PAPPA2: variants seen among roughly 807,000 people sequenced by gnomAD.
PAPPA2 encodes the protein pappalysin 2.
Under a neutral mutation model 176.4 loss-of-function variants are expected in PAPPA2, and 86 were observed. The observed-to-expected ratio is 0.49, with a 90% CI of 0.41 to 0.58. The LOEUF is 0.58. Among genes scored for constraint, PAPPA2 ranks in the 20% least tolerant of loss-of-function variants. The probability of loss-of-function intolerance (pLI) is 0.00; values close to 1 mark genes in which losing one functional copy is unlikely to be tolerated. For synonymous variants in PAPPA2, 809 were observed against 852.2 expected (o/e 0.95, Z 0.88); for missense variants, 2,073 against 2,256.9 (o/e 0.92, Z 1.65).
Position 176,837,715 on chromosome 1 carries a change from TG to T in PAPPA2, c.5203-2456del, listed in dbSNP as rs375057866. Among the ~76,000 whole-genome samples, 989 of 152,136 alleles carry T rather than the reference TG, an allele frequency of 6.5e-3. 13 individuals are homozygous for T. Among genetic ancestry groups the T allele is most frequent in the African/African-American group, 0.022 (922 of 41,546 alleles). On this transcript the variant is annotated intron_variant, in intron 21 of 22. Transcript: ENST00000367662. ...AGAAACCAAGCCCAGTACCTTTTCT[TG>T]GAAAAGATGCCTGTGGGTTAGAGTG...
intron 1 of PAPPA2, among the ~76,000 whole-genome samples, chr1:176,526,728 G>A (rs1649519946): frequency 6.6e-6 from 1 of 152,180 alleles, no homozygotes. Flanking sequence ...AGATCCCTAA[G>A]CCAGTGGGCA....
At chr1:176,710,541 C>A (rs12024039) in intron 11 of PAPPA2, among the ~76,000 whole-genome samples, 1 of 152,108 alleles carries the variant, frequency 6.6e-6, no homozygotes, top group East Asian at 1.9e-4. Context: ...TAAATTCTTG[C>A]GTACATATTT....
chr1:176,760,018 TA>T, intron 14 of PAPPA2, among the ~76,000 whole-genome samples: 1 of 152,334 alleles, frequency 6.6e-6, no homozygotes, highest in East Asian at 1.9e-4. Flanking sequence ...TTCACGGTGA[TA>T]GGGGAAATGG....
At chr1:176,676,481 C>T (rs1009218970) in intron 4 of PAPPA2, among the ~76,000 whole-genome samples, 10 of 150,810 alleles carry the variant, frequency 6.6e-5, no homozygotes, top group African/African-American at 2.4e-4. Flanking sequence ...AATCTCAAAA[C>T]TTACATGGTG....
intron 14 of PAPPA2, among the ~76,000 whole-genome samples, chr1:176,764,292 A>T (rs1338529540): frequency 6.6e-6 from 1 of 152,206 alleles, no homozygotes; most frequent in Non-Finnish European, 1.5e-5. Context: ...CAACAAATTG[A>T]GCAAAGGTAC....
At chr1:176,661,457 G>A (rs1658356748) in intron 3 of PAPPA2, among the ~76,000 whole-genome samples, 1 of 151,238 alleles carries the variant, frequency 6.6e-6, no homozygotes, top group East Asian at 2.0e-4. Context: ...CGTTAGAACT[G>A]CCAGTTTCAG....
chr1:176,493,813 A>G (rs902910461), intron 1 of PAPPA2, among the ~76,000 whole-genome samples: 8 of 152,212 alleles, frequency 5.3e-5, no homozygotes, highest in Non-Finnish European at 7.3e-5. Context: ...TCTAAGTTCT[A>G]AATAAACAGT....
At chr1:176,760,491 T>TCCCA (rs1341492188) in intron 14 of PAPPA2, among the ~76,000 whole-genome samples, 1 of 152,162 alleles carries the variant, frequency 6.6e-6, no homozygotes, top group Non-Finnish European at 1.5e-5. Flanking sequence ...AATGCTGGAA[T>TCCCA]CCCACTGCAG....
intron 5 of PAPPA2, 91 bp downstream of exon 5, chr1:176,690,521 ATGAT>A (rs750505988): frequency 6.5e-7 from 1 of 1,546,510 alleles, no homozygotes; most frequent in South Asian, 1.2e-5. Flanking sequence ...TGATGGGAGA[ATGAT>A]TAAGTGGTCA....
intron 11 of PAPPA2, among the ~76,000 whole-genome samples, chr1:176,711,057 G>C (rs371187509): frequency 6.6e-6 from 1 of 152,236 alleles, no homozygotes; most frequent in African/African-American, 2.4e-5. Flanking sequence ...GAAAATAATA[G>C]CTTTTCTGGA....
intron 3 of PAPPA2, among the ~76,000 whole-genome samples, chr1:176,647,292 C>T (rs1657449349): frequency 6.6e-6 from 1 of 151,248 alleles, no homozygotes; most frequent in African/African-American, 2.4e-5. Flanking sequence ...GTTTGAGCTC[C>T]GTATATATTC....
chr1:176,714,416 A>T (rs549611962), intron 12 of PAPPA2, among the ~76,000 whole-genome samples: 1 of 152,270 alleles, frequency 6.6e-6, no homozygotes, highest in African/African-American at 2.4e-5. Flanking sequence ...GAGAAAAAAA[A>T]AAAAGGATAC....
At chr1:176,465,620 A>G (rs997771379) in intron 1 of PAPPA2, among the ~76,000 whole-genome samples, 2 of 148,920 alleles carry the variant, frequency 1.3e-5, no homozygotes, top group African/African-American at 4.9e-5. Context: ...CCTCATGCCT[A>G]TCCTGACCCA....
intron 3 of PAPPA2, among the ~76,000 whole-genome samples, chr1:176,626,583 A>T (rs1558481398): frequency 6.6e-6 from 1 of 152,266 alleles, no homozygotes; most frequent in Non-Finnish European, 1.5e-5. Context: ...ATTTCATCAT[A>T]GTAGTCATTT....
chr1:176,842,372 T>C lies in PAPPA2; in HGVS notation c.5302-8T>C. On this transcript the variant is annotated splice_region_variant and splice_polypyrimidine_tract_variant and intron_variant, in intron 22 of 22. Transcript: ENST00000367662. The stretch of plus-strand genomic sequence containing the variant: ...TGAGCTATTTCTACTTCCCTTTCAT[T>C]CCCCTAGGTCATTCCATTTGCTGCT... 6.2e-7 allele frequency: 1 copy of C among 1,611,746 alleles called. No individual in the cohort carries two copies. The highest frequency in any genetic ancestry group is 8.5e-7 in the Non-Finnish European group (1 of 1,178,302).
chr1:176,793,495 T>C (rs1557875442), intron 19 of PAPPA2, 65 bp from the exon 20 acceptor site: 5 of 1,375,350 alleles, frequency 3.6e-6, no homozygotes, highest in Non-Finnish European at 5.1e-6. Context: ...AGCTATTGAT[T>C]CCTGAAAGAA....
chr1:176,799,506 G>A (rs1054068773), intron 20 of PAPPA2, among the ~76,000 whole-genome samples: 5 of 152,114 alleles, frequency 3.3e-5, no homozygotes, highest in African/African-American at 1.2e-4. Flanking sequence ...CTACAGGGCA[G>A]GCTGCATGAT....
intron 17 of PAPPA2, among the ~76,000 whole-genome samples, chr1:176,784,956 A>C (rs1242311262): frequency 1.3e-5 from 2 of 152,098 alleles, no homozygotes; most frequent in Non-Finnish European, 1.5e-5. Flanking sequence ...TTGTTTTCTC[A>C]TGAGGGCATT....
At position 176,789,807 on chromosome 1, in the gene PAPPA2, A is replaced by G. The variant is rs1215253131; in HGVS notation, c.4716-2A>G. ...AGCTATTTTTGTTTTATGTTTTATC[A>G]GCAAGCTCCTGAAGATACAATGCCT... is the stretch of plus-strand genomic sequence containing the variant. On this transcript the variant is annotated splice_acceptor_variant, in intron 17 of 22. Transcript: ENST00000367662. LOFTEE classifies it high-confidence loss of function. 7 of 1,612,308 alleles carry G rather than the reference A, an allele frequency of 4.3e-6. No individual in the cohort carries two copies. The highest frequency in any genetic ancestry group is 5.9e-6 in the Non-Finnish European group (7 of 1,179,194).
Sources: gnomAD v4.1 joint callset for allele counts (sites outside exome capture counted in the v4.1 genomes callset) on GRCh38, gnomAD v4.1.1 for gene constraint, MANE v1.5 for transcripts, NCBI Gene and HGNC (gene_info 2026-07-23, HGNC 2026-07-21) for gene names.